Variants in PRH1 observed in about 807,000 individuals in gnomAD.
PRH1 encodes proline rich protein HaeIII subfamily 1, also known as salivary acidic proline-rich phosphoprotein 1/2.
A neutral mutation model predicts 7.9 loss-of-function variants in PRH1; 7 were observed. The ratio of observed to expected loss-of-function variants is 0.89; its 90% confidence interval spans 0.50 to 1.67. The LOEUF is 1.67. PRH1 is among the 40% of genes most tolerant of loss of function. PRH1 has a pLI of 0.00. For missense variants in PRH1, 109 were observed against 223.6 expected, an observed-to-expected ratio of 0.49 and a Z score of 3.27; for synonymous variants, 45 against 80.8, an observed-to-expected ratio of 0.56 and a Z score of 2.38.
At chr12:10,962,065 T>C (rs549746331) in intron 2 of PRH1, among the ~76,000 whole-genome samples, 2 of 152,232 alleles carry the variant, frequency 1.3e-5, no homozygotes, top group Non-Finnish European at 2.9e-5. Context: ...GCCCTGGACT[T>C]ACCTTCCAAA....
At chr12:11,064,281 T>C (rs967227801) in intron 1 of PRH1, among the ~76,000 whole-genome samples, 10 of 152,332 alleles carry the variant, frequency 6.6e-5, no homozygotes, top group Middle Eastern at 3.4e-3. Flanking sequence ...CTACATGTTC[T>C]TCTTGTTTGT....
At chr12:11,131,228 T>A (rs935807683) in intron 1 of PRH1, among the ~76,000 whole-genome samples, 1 of 152,240 alleles carries the variant, frequency 6.6e-6, no homozygotes, top group Admixed American at 6.5e-5. Context: ...CAGCTGTGGT[T>A]TCCCTTTGTA....
At chr12:10,882,178 C>T (rs540113535) in intron 3 of PRH1, 39 bp downstream of exon 3, 61 of 1,609,512 alleles carry the variant, frequency 3.8e-5, no homozygotes, top group Non-Finnish European at 5.0e-5. Flanking sequence ...AGAACTGTAG[C>T]AGTTGGAGCC....
At chr12:11,036,583 T>C (rs1942440586) in intron 1 of PRH1, among the ~76,000 whole-genome samples, 1 of 152,236 alleles carries the variant, frequency 6.6e-6, no homozygotes, top group African/African-American at 2.4e-5. Flanking sequence ...ATCTGAATTG[T>C]TTCTATCATG....
upstream of PRH1, among the ~76,000 whole-genome samples, chr12:10,888,509 A>G (rs551401903): frequency 2.0e-5 from 3 of 152,366 alleles, no homozygotes; most frequent in African/African-American, 7.2e-5. Flanking sequence ...CTTAAAGTAT[A>G]TATCTATGCA....
At chr12:11,161,378 A>G (rs1483160565) in intron 1 of PRH1, among the ~76,000 whole-genome samples, 1 of 152,244 alleles carries the variant, frequency 6.6e-6, no homozygotes, top group African/African-American at 2.4e-5. Context: ...GAATTTGTTT[A>G]GAGGATTTGG....
intron 1 of PRH1, among the ~76,000 whole-genome samples, chr12:11,003,096 A>T (rs1940669256): frequency 6.6e-6 from 1 of 152,006 alleles, no homozygotes; most frequent in Non-Finnish European, 1.5e-5. Flanking sequence ...TAGCATTAAG[A>T]ATGTGGATGT....
chr12:10,930,191 C>T (rs1950183035), intron 2 of PRH1: 1 of 1,525,932 alleles, frequency 6.6e-7, no homozygotes, highest in African/African-American at 1.4e-5. Context: ...ATCAGAGGTC[C>T]TTTATCCTCG....
intron 1 of PRH1, among the ~76,000 whole-genome samples, chr12:11,100,866 A>G (rs1945219256): frequency 6.6e-6 from 1 of 152,180 alleles, no homozygotes. Context: ...AATTTATAGT[A>G]ACAAAAAATT....
intron 1 of PRH1, among the ~76,000 whole-genome samples, chr12:11,007,708 T>C (rs146847910): frequency 5.6e-4 from 85 of 152,180 alleles, no homozygotes; most frequent in African/African-American, 1.9e-3. Context: ...GGCTTCCACA[T>C]TGGAGTTTCT....
chr12:11,164,708 G>A (rs1428587948), intron 1 of PRH1, among the ~76,000 whole-genome samples: 1 of 151,396 alleles, frequency 6.6e-6, no homozygotes, highest in Non-Finnish European at 1.5e-5. Context: ...CATCTAAAAT[G>A]TCTTGTTTTC....
At chr12:11,165,960 T>A (rs1187101021) in intron 1 of PRH1, 1 of 152,258 alleles carries the variant, frequency 6.6e-6, no homozygotes, top group African/African-American at 2.4e-5. Context: ...GGTGGGGCAA[T>A]GGGAGCTCTT....
At chr12:11,025,144 A>G (rs1941844111) in intron 1 of PRH1, among the ~76,000 whole-genome samples, 1 of 151,712 alleles carries the variant, frequency 6.6e-6, no homozygotes, top group African/African-American at 2.4e-5. Flanking sequence ...CAGCCTCCGG[A>G]GTAGCTGGGA....
intron 1 of PRH1, among the ~76,000 whole-genome samples, chr12:11,101,139 C>A (rs1458183990): frequency 6.6e-6 from 1 of 152,134 alleles, no homozygotes; most frequent in Non-Finnish European, 1.5e-5. Flanking sequence ...CATATTAGCA[C>A]TAAGAAAGTG....
rs555051950 is a variant in PRH1, at chr12:11,169,468, C to CT, written n.39+1953_39+1954insA. On this transcript the variant is annotated intron_variant and non_coding_transcript_variant, in intron 1 of 1. Transcript: ENST00000541175. ...TAGGCCCTCAATCTGGCCATGTTATCAGTGGGTGGCTGCTATTTTCCCCAC... is the reference window on the plus strand; with the variant it reads ...TAGGCCCTCAATCTGGCCATGTTATCTAGTGGGTGGCTGCTATTTTCCCCAC... Among the ~76,000 whole-genome samples the CT allele has an allele frequency of 2.4e-3, 369 of 152,224 alleles. 1 individual carries two copies. The highest frequency in any genetic ancestry group is 8.4e-3 in the African/African-American group (347 of 41,534).
intron 1 of PRH1, among the ~76,000 whole-genome samples, chr12:11,045,386 C>A (rs1331755302): frequency 6.6e-6 from 1 of 150,418 alleles, no homozygotes; most frequent in Non-Finnish European, 1.5e-5. Flanking sequence ...TGACTATAAT[C>A]AATGATAATT....
Position 11,084,098 on chromosome 12 carries a change from G to T in PRH1, n.124-36910C>A, listed in dbSNP as rs1447494258. ...CAATCAGGATCAGTTTAGATAGCAC[G>T]GTCCAACCCCAGCCAACAGGAGAAG... On this transcript the variant is annotated intron_variant and non_coding_transcript_variant, in intron 1 of 4. Transcript: ENST00000541977. Among the ~76,000 whole-genome samples, 9 of 46,400 alleles carry T rather than the reference G, an allele frequency of 1.9e-4. No individual in the cohort carries two copies. In the South Asian group the frequency reaches 6.3e-3, roughly 33 times the overall value. The allele number at this position is 46,400 out of a possible 152,430, so 30.4% of individuals were successfully genotyped here. A position where few individuals can be genotyped will look rare whatever the true frequency, so the allele number is the denominator to read the frequency against.
At chr12:10,903,067 A>G (rs1365156570) in intron 2 of PRH1, among the ~76,000 whole-genome samples, 1 of 152,200 alleles carries the variant, frequency 6.6e-6, no homozygotes, top group Admixed American at 6.5e-5. Flanking sequence ...CAGAGTGACA[A>G]ATTCAATAAA....
chr12:11,127,206 A>G (rs1451032533), intron 1 of PRH1, among the ~76,000 whole-genome samples: 1 of 152,298 alleles, frequency 6.6e-6, no homozygotes, highest in Non-Finnish European at 1.5e-5. Flanking sequence ...TATGCTTGTT[A>G]TAAGATAAAA....
Sources: allele counts gnomAD v4.1 joint callset (sites outside exome capture counted in the v4.1 genomes callset), GRCh38; gene constraint gnomAD v4.1.1; transcripts MANE v1.5; gene names NCBI Gene and HGNC (gene_info 2026-07-23, HGNC 2026-07-21).